The following ASIP variants were observed in gnomAD, a reference collection of about 807,000 sequenced individuals.
ASIP encodes the protein agouti-signaling protein.
In ASIP, 11 loss-of-function variants were observed where a neutral mutation model predicts 10.3. That is an observed-to-expected ratio of 1.07 (90% CI 0.68 to 1.78). ASIP has a LOEUF of 1.78. Ranked by LOEUF, ASIP falls within the 40% of genes most tolerant of loss-of-function variation. The pLI is 0.00. For synonymous variants in ASIP, 70 were observed against 70.8 expected (o/e 0.99, Z 0.06); for missense variants, 180 against 169.2 (o/e 1.06, Z -0.35).
upstream of ASIP, among the ~76,000 whole-genome samples, chr20:34,239,303 G>A (rs996250116): frequency 6.6e-6 from 1 of 151,402 alleles, no homozygotes; most frequent in Non-Finnish European, 1.5e-5. Flanking sequence ...CGCAACCTCT[G>A]CCTCCCAGGT....
chr20:34,235,363 C>A (rs1030136441), intron 1 of ASIP, among the ~76,000 whole-genome samples: 1 of 152,094 alleles, frequency 6.6e-6, no homozygotes, highest in Non-Finnish European at 1.5e-5. Flanking sequence ...TCGCTTGAAG[C>A]GGGGAGGCGG....
chr20:34,195,081 T>C (rs1378642450), intron 1 of ASIP, among the ~76,000 whole-genome samples: 1 of 151,888 alleles, frequency 6.6e-6, no homozygotes. Context: ...ATTGTTGTAG[T>C]TGCTGGCCAC....
chr20:34,240,129 A>G (rs2035264976), upstream of ASIP, among the ~76,000 whole-genome samples: 2 of 152,198 alleles, frequency 1.3e-5, no homozygotes, highest in African/African-American at 4.8e-5. Flanking sequence ...ATTGGCACTA[A>G]AGAATCATTT....
intron 1 of ASIP, among the ~76,000 whole-genome samples, chr20:34,195,130 G>GAA (rs547366092): frequency 0.13 from 17,328 of 135,430 alleles, 3,558 homozygotes; most frequent in African/African-American, 0.43. Context: ...GAAGGTACCA[G>GAA]AAAAAAAAAA....
At chr20:34,206,975 TA>T (rs561364688) in intron 1 of ASIP, among the ~76,000 whole-genome samples, 6 of 152,358 alleles carry the variant, frequency 3.9e-5, no homozygotes, top group Admixed American at 3.9e-4. Context: ...GGAGTGCAGA[TA>T]TTTTTTTGAT....
Position 34,245,508 on chromosome 20 carries a change from C to T in ASIP, c.-11+4019C>T, listed in dbSNP as rs2035358552. ...GTTCCAGCGATTCTCAGGCCTCAGC[C>T]TCCTGAGTAGCTGGGACTACAGGTG... is the stretch of plus-strand genomic sequence containing the variant. On this transcript the variant is annotated intron_variant, in intron 1 of 3. Coordinates refer to ENST00000374954, the MANE Select transcript of ASIP (RefSeq NM_001672.3). 1.3e-5 allele frequency among the ~76,000 whole-genome samples: 2 copies of T among 151,318 alleles called. 1 individual carries two copies. Among genetic ancestry groups the T allele is most frequent in the South Asian group, 4.2e-4 (2 of 4,784 alleles).
At chr20:34,262,768 C>CACTT in intron 2 of ASIP, 64 bp from the exon 3 acceptor site, 1 of 1,587,262 alleles carries the variant, frequency 6.3e-7, no homozygotes, top group South Asian at 1.1e-5. Context: ...CTGCCCCTCT[C>CACTT]ACTTCACTGC....
intron 1 of ASIP, among the ~76,000 whole-genome samples, chr20:34,232,147 C>A (rs2035125906): frequency 6.6e-6 from 1 of 152,160 alleles, no homozygotes; most frequent in Non-Finnish European, 1.5e-5. Flanking sequence ...TTTGGGGAAC[C>A]CACATTTTAT....
At chr20:34,233,943 G>A (rs2035144934) in intron 1 of ASIP, among the ~76,000 whole-genome samples, 1 of 152,232 alleles carries the variant, frequency 6.6e-6, no homozygotes. Flanking sequence ...AACACTCAGT[G>A]CAATATGGCC....
intron 1 of ASIP, among the ~76,000 whole-genome samples, chr20:34,250,747 T>C (rs2035461193): frequency 1.3e-5 from 2 of 152,054 alleles, no homozygotes; most frequent in African/African-American, 4.8e-5. Flanking sequence ...CTTTGCCTCT[T>C]CTTCCATTCT....
At chr20:34,257,130 C>A (rs145984224) in intron 1 of ASIP, among the ~76,000 whole-genome samples, 2 of 148,418 alleles carry the variant, frequency 1.3e-5, no homozygotes, top group East Asian at 3.9e-4. Flanking sequence ...TTCACCCAGG[C>A]TGGAGTGAAG....
At chr20:34,218,687 T>A (rs190041725) in intron 1 of ASIP, among the ~76,000 whole-genome samples, 2,240 of 137,396 alleles carry the variant, frequency 0.016, 61 homozygotes, top group African/African-American at 0.065. Context: ...TTTTCAGCAA[T>A]TTTTTTTTTT....
chr20:34,201,013 C>G (rs200827531), intron 1 of ASIP, among the ~76,000 whole-genome samples: 1 of 55,236 alleles, frequency 1.8e-5, no homozygotes, highest in Non-Finnish European at 3.5e-5. Context: ...TCCTTCCTTC[C>G]TTCCTTCTTT....
intron 3 of ASIP, among the ~76,000 whole-genome samples, chr20:34,263,750 C>A (rs1186524224): frequency 6.6e-6 from 1 of 151,058 alleles, no homozygotes; most frequent in Non-Finnish European, 1.5e-5. Context: ...CTCACTGCAA[C>A]CTTCACCTGG....
intron 1 of ASIP, among the ~76,000 whole-genome samples, chr20:34,209,942 C>A (rs956069026): frequency 1.3e-5 from 2 of 152,172 alleles, no homozygotes; most frequent in African/African-American, 2.4e-5. Context: ...GCCCATGGAC[C>A]AATCAGTGTG....
chr20:34,188,911 T>C, the ASIP span, among the ~76,000 whole-genome samples: 4 of 152,180 alleles, frequency 2.6e-5, no homozygotes, highest in Admixed American at 6.5e-5. Context: ...TAATGACCAA[T>C]AATATAATAA....
At chr20:34,222,417 C>G (rs546188871) in intron 1 of ASIP, among the ~76,000 whole-genome samples, 1 of 152,264 alleles carries the variant, frequency 6.6e-6, no homozygotes, top group Admixed American at 6.5e-5. Flanking sequence ...AGTAAGGACC[C>G]ATGACTCAGA....
chr20:34,235,910 G>GGAGGGAGGGAGGGAA lies in ASIP; in HGVS notation c.-10-24453_-10-24452insGGGAGGGAGGGAAGA, dbSNP rs2035194993. Among the ~76,000 whole-genome samples the GGAGGGAGGGAGGGAA allele has an allele frequency of 2.7e-5, 3 of 109,296 alleles. No individual in the cohort carries two copies. The African/African-American group carries it at 2.8e-4, about 10-fold the overall frequency. The allele number at this position is 109,296 out of a possible 152,430, so 71.7% of individuals were successfully genotyped here. A position where few individuals can be genotyped will look rare whatever the true frequency, so the allele number is the denominator to read the frequency against. On this transcript the variant is annotated intron_variant, in intron 1 of 3. Coordinates refer to the ASIP transcript ENST00000568305. ...GGAAGGAAGGAAGGAAAGGAAGGAA[G>GGAGGGAGGGAGGGAA]GAAGGAAGGAAGGAAGGAAGCGGGA...
At chr20:34,215,643 T>C (rs2035003117) in intron 1 of ASIP, 1 of 1,470,400 alleles carries the variant, frequency 6.8e-7, no homozygotes, top group Non-Finnish European at 9.5e-7. Flanking sequence ...AGCCATGATA[T>C]GAGCGTCTCC....
Sources: allele counts gnomAD v4.1 joint callset (sites outside exome capture counted in the v4.1 genomes callset), GRCh38; gene constraint gnomAD v4.1.1; transcripts MANE v1.5; gene names NCBI Gene and HGNC (gene_info 2026-07-23, HGNC 2026-07-21).